The following MORC2 variants were observed in gnomAD, a reference collection of about 807,000 sequenced individuals.
MORC2 encodes the protein ATPase MORC2.
Under a neutral mutation model 136.0 loss-of-function variants are expected in MORC2, and 30 were observed. The ratio of observed to expected loss-of-function variants is 0.22; its 90% confidence interval spans 0.17 to 0.30. The LOEUF (loss-of-function observed/expected upper bound fraction) is 0.30. Among genes scored for constraint, MORC2 ranks in the 10% least tolerant of loss-of-function variants. MORC2 has a pLI of 1.00. For missense variants in MORC2, 922 were observed against 1,333.1 expected (o/e 0.69, Z 4.80); for synonymous variants, 439 against 487.0 (o/e 0.90, Z 1.30).
intron 4 of MORC2, 40 bp downstream of exon 4, chr22:30,950,337 G>GGGGGGGGGGGGGCCGCCCC: frequency 1.3e-6 from 1 of 761,768 alleles, no homozygotes; most frequent in Non-Finnish European, 2.3e-6. Flanking sequence ...TGGTTACATC[G>GGGGGGGGGGGGGCCGCCCC]CACCCCCCCA....
At chr22:30,959,928 TTCC>T in intron 1 of MORC2, among the ~76,000 whole-genome samples, 1 of 152,258 alleles carries the variant, frequency 6.6e-6, no homozygotes, top group Non-Finnish European at 1.5e-5. Context: ...TTGTTTTTTC[TTCC>T]TCAAGTAACT....
intron 2 of MORC2, among the ~76,000 whole-genome samples, chr22:30,957,325 G>C (rs752327585): frequency 1.3e-5 from 2 of 152,174 alleles, no homozygotes; most frequent in Admixed American, 6.6e-5. Flanking sequence ...CCCTAAACCT[G>C]AAAGGAAGTT....
In MORC2 at chr22:30,937,977, G is replaced by A; in HGVS notation, c.1215-8C>T. The A allele has an allele frequency of 1.9e-6, 3 of 1,614,012 alleles. No individual in the cohort carries two copies. The highest frequency in any genetic ancestry group is 2.5e-6 in the Non-Finnish European group (3 of 1,180,012). On this transcript the variant is annotated splice_region_variant and splice_polypyrimidine_tract_variant and intron_variant, in intron 13 of 25. Transcript: ENST00000397641. The surrounding 1 kb of genome is among the most constrained non-coding windows in gnomAD (Gnocchi z 4.7). ...ACAACCCCGCCACATGCCCTACAGGGAGAAAGAGAACAAGCTCTGTCACCC... is the reference window on the plus strand; with the variant it reads ...ACAACCCCGCCACATGCCCTACAGGAAGAAAGAGAACAAGCTCTGTCACCC...
chr22:30,950,489 A>G (rs1250616864), intron 3 of MORC2, 44 bp from the exon 4 acceptor site: 1 of 1,580,784 alleles, frequency 6.3e-7, no homozygotes, highest in Non-Finnish European at 8.7e-7. Context: ...TACCCACCAC[A>G]GGGTGGCAAC....
rs2147286923 is a variant in MORC2, at chr22:30,950,507, T to C, written c.158-62A>G. 7.4e-6 allele frequency: 11 copies of C among 1,487,262 alleles called. No individual in the cohort carries two copies. The South Asian group carries it at 1.1e-4, about 15-fold the overall frequency. The allele number at this position is 1,487,262 out of a possible 1,614,324, so 92.1% of individuals were successfully genotyped here. A position where few individuals can be genotyped will look rare whatever the true frequency, so the allele number is the denominator to read the frequency against. On this transcript the variant is annotated intron_variant, in intron 3 of 25. Coordinates refer to ENST00000397641, the MANE Select transcript of MORC2 (RefSeq NM_001303256.3). The stretch of plus-strand genomic sequence containing the variant: ...CCACCACAGGGTGGCAACATGCCTA[T>C]GATCAGAAGGCAGATCAATGTGAAG...
chr22:30,928,218 C>T lies in MORC2; in HGVS notation c.2842-11G>A. The T allele has an allele frequency of 6.2e-7, 1 of 1,613,982 alleles. No individual in the cohort carries two copies. The highest frequency in any genetic ancestry group is 8.5e-7 in the Non-Finnish European group (1 of 1,179,958). ...CTTGAAGTACTCCTTCTGTTGGGAG[C>T]AGAGCAAGAGGGAGAGTGTGTAAGT... On this transcript the variant is annotated splice_polypyrimidine_tract_variant and intron_variant, in intron 24 of 25. Transcript: ENST00000397641.
At position 30,926,005 on chromosome 22, in the gene MORC2, G is replaced by A. The variant is rs1455881852; in HGVS notation, c.*798C>T. The A allele has an allele frequency of 6.6e-6, 1 of 152,466 alleles. No individual in the cohort carries two copies. The highest frequency in any genetic ancestry group is 1.5e-5 in the Non-Finnish European group (1 of 68,242). The allele number at this position is 152,466 out of a possible 1,614,324, so 9.4% of individuals were successfully genotyped here. A position where few individuals can be genotyped will look rare whatever the true frequency, so the allele number is the denominator to read the frequency against. Reference sequence around the variant, plus strand: ...TGGAGGTCACCAGCTCAGCCCCAGGGGTTCTTTCACACACAAGCTCCTTCC... The same window carrying A: ...TGGAGGTCACCAGCTCAGCCCCAGGAGTTCTTTCACACACAAGCTCCTTCC... On this transcript the variant is annotated 3_prime_UTR_variant, in exon 26 of 26. Coordinates refer to ENST00000397641, the MANE Select transcript of MORC2 (RefSeq NM_001303256.3).
Position 30,933,990 on chromosome 22 carries a change from G to A in MORC2, c.2325+70C>T, listed in dbSNP as rs953424776. ...GGATGGTATAGACTGCTGATGGGGG[G>A]TGCAGACTGCTGGTGGGGGCTGCAG... On this transcript the variant is annotated intron_variant, in intron 20 of 25. Transcript: ENST00000397641. 44 of 1,522,936 alleles carry A rather than the reference G, an allele frequency of 2.9e-5. No homozygotes were observed. In the South Asian group the frequency reaches 4.9e-4, roughly 17 times the overall value. 94.3% of individuals were successfully genotyped at this position (1,522,936 alleles called of 1,614,324 possible).
chr22:30,942,252 G>A lies in MORC2; in HGVS notation c.446C>T (p.Thr149Ile), dbSNP rs1419852601. 3 of 1,611,956 alleles carry A rather than the reference G, an allele frequency of 1.9e-6. No homozygotes were observed. The highest frequency in any genetic ancestry group is 2.5e-6 in the Non-Finnish European group (3 of 1,179,910). ...GIDEVIVPLP[T>I]WNARTREPVT... Reference sequence around the variant, plus strand: ...AGGTTCCCGGGTCCGAGCATTCCAGGTGGGCAGTGGGACTATCACCTGTGG... The same window carrying A: ...AGGTTCCCGGGTCCGAGCATTCCAGATGGGCAGTGGGACTATCACCTGTGG... The change falls in exon 7 of 26, where the codon ACC becomes ATC. Residue 149 changes from threonine (T) to isoleucine (I), a missense_variant. Thr to Ile is a moderately conservative substitution (Grantham distance 89, BLOSUM62 -1). Around this residue, in one of 9 missense-constraint regions of MORC2, gnomAD observed 261 missense variants for 354.3 expected, o/e 0.74. Coordinates refer to ENST00000397641, the MANE Select transcript of MORC2 (RefSeq NM_001303256.3).
In MORC2 at chr22:30,937,933, G is replaced by A. The variant is rs1289024185; in HGVS notation, c.1251C>T (p.Pro417=). 1.2e-6 allele frequency: 2 copies of A among 1,613,898 alleles called. No homozygotes were observed. Among genetic ancestry groups the A allele is most frequent in the Non-Finnish European group, 1.7e-6 (2 of 1,180,008 alleles). The change falls in exon 14 of 26, where the codon CCC becomes CCT. Residue 417 remains proline, a synonymous_variant. Coordinates refer to ENST00000397641, the MANE Select transcript of MORC2 (RefSeq NM_001303256.3). The surrounding 1 kb of genome is among the most constrained non-coding windows in gnomAD (Gnocchi z 4.7). ...TGTGTGTAGGCTCCAGGACCAGGTA[G>A]GGCACATCAACAACCCCAACAACCC... ...CGGVVGVVDV[P]YLVLEPTHNK...
Position 30,935,230 on chromosome 22 carries a change from C to T in MORC2, c.1812+18G>A, listed in dbSNP as rs1455017259. ...GAGACACCTGAGGAAAAGCCCTTCC[C>T]AGGCCCCTGGACTTCACCTCAGTGG... On this transcript the variant is annotated intron_variant, in intron 18 of 25. Transcript: ENST00000397641. The T allele has an allele frequency of 6.2e-7, 1 of 1,612,724 alleles. No homozygotes were observed. The highest frequency in any genetic ancestry group is 1.3e-5 in the African/African-American group (1 of 74,864).
At chr22:30,967,008 G>C in intron 1 of MORC2, 1 of 815,068 alleles carries the variant, frequency 1.2e-6, no homozygotes, top group Non-Finnish European at 1.5e-6. Context: ...TTCAGAGACT[G>C]GACCATTCAT....
rs2040519174 is a variant in MORC2, at chr22:30,928,220, G to A, written c.2842-13C>T. On this transcript the variant is annotated splice_polypyrimidine_tract_variant and intron_variant, in intron 24 of 25. Transcript: ENST00000397641. The stretch of plus-strand genomic sequence containing the variant: ...TGAAGTACTCCTTCTGTTGGGAGCA[G>A]AGCAAGAGGGAGAGTGTGTAAGTTC... 1.9e-6 allele frequency: 3 copies of A among 1,613,850 alleles called. No homozygotes were observed. The highest frequency in any genetic ancestry group is 2.7e-5 in the African/African-American group (2 of 74,916).
chr22:30,935,198 C>T, intron 18 of MORC2, 37 bp from the exon 19 acceptor site: 1 of 1,612,366 alleles, frequency 6.2e-7, no homozygotes, highest in South Asian at 1.1e-5. Context: ...AACACTGATC[C>T]TAGCATGAGA....
At chr22:30,950,349 C>A in intron 4 of MORC2, 28 bp downstream of exon 4, 2 of 1,130,178 alleles carry the variant, frequency 1.8e-6, no homozygotes, top group South Asian at 1.3e-5. Context: ...ACCCCCCCAC[C>A]CCCCAAAACA....
intron 6 of MORC2, among the ~76,000 whole-genome samples, chr22:30,943,236 T>C (rs1202680632): frequency 6.6e-6 from 1 of 152,110 alleles, no homozygotes; most frequent in Non-Finnish European, 1.5e-5. Context: ...TATTTAAAAA[T>C]GCATACAAGG....
chr22:30,933,373 T>G, intron 21 of MORC2, 93 bp downstream of exon 21: 2 of 1,402,282 alleles, frequency 1.4e-6, no homozygotes, highest in Non-Finnish European at 2.0e-6. Context: ...ACAGATTCAA[T>G]GAGCCTTTGG....
intron 21 of MORC2, 29 bp from the exon 22 acceptor site, chr22:30,933,059 G>A: frequency 2.5e-6 from 4 of 1,612,222 alleles, no homozygotes; most frequent in Non-Finnish European, 3.4e-6. Context: ...GTGCGAGTCA[G>A]AAAACTAGCG....
At chr22:30,933,799 G>A (rs1024127191) in intron 20 of MORC2, among the ~76,000 whole-genome samples, 7 of 152,218 alleles carry the variant, frequency 4.6e-5, no homozygotes, top group African/African-American at 9.6e-5. Context: ...CCAGAAGCCA[G>A]TCTCACTCAA....
Sources: gnomAD v4.1 joint callset for allele counts (sites outside exome capture counted in the v4.1 genomes callset) on GRCh38, gnomAD v4.1.1 for gene constraint, gnomAD v4.1.1 regional missense constraint, Gnocchi (gnomAD v3.1) non-coding constraint, MANE v1.5 for transcripts, NCBI Gene and HGNC (gene_info 2026-07-23, HGNC 2026-07-21) for gene names.